PTPRT: variants seen among roughly 807,000 people sequenced by gnomAD.
The protein encoded by PTPRT is receptor-type tyrosine-protein phosphatase T.
PTPRT carries 56 observed loss-of-function variants against 176.8 expected under a neutral mutation model. That is an observed-to-expected ratio of 0.32 (90% CI 0.26 to 0.40). PTPRT has a LOEUF of 0.40. Ranked by LOEUF, PTPRT falls within the 10% of genes least tolerant of loss-of-function variation. PTPRT has a pLI of 1.00. For missense variants in PTPRT, 1,540 were observed against 1,908.2 expected (o/e 0.81, Z 3.60); for synonymous variants, 783 against 739.0 (o/e 1.06, Z -0.96).
At chr20:42,178,525 A>T (rs1990385899) in intron 16 of PTPRT, among the ~76,000 whole-genome samples, 1 of 152,180 alleles carries the variant, frequency 6.6e-6, no homozygotes, top group Non-Finnish European at 1.5e-5. Flanking sequence ...AACATCTCAC[A>T]TGTTAAGCCA....
chr20:42,869,724 AT>A (rs1421199665), intron 2 of PTPRT, among the ~76,000 whole-genome samples: 1 of 152,208 alleles, frequency 6.6e-6, no homozygotes, highest in African/African-American at 2.4e-5. Context: ...GAATGAATGT[AT>A]TTTGTATATG....
chr20:42,684,896 A>G (rs1323559308), intron 6 of PTPRT, among the ~76,000 whole-genome samples: 2 of 152,144 alleles, frequency 1.3e-5, no homozygotes, highest in Admixed American at 6.5e-5. Context: ...AAATAACACC[A>G]TGGGGCAGCT....
intron 13 of PTPRT, among the ~76,000 whole-genome samples, chr20:42,267,792 G>T (rs1217041014): frequency 6.6e-6 from 1 of 152,144 alleles, no homozygotes; most frequent in Non-Finnish European, 1.5e-5. Context: ...TTCCTTGAAG[G>T]ATTAGCCAAT....
intron 22 of PTPRT, among the ~76,000 whole-genome samples, chr20:42,113,299 G>A (rs1987102499): frequency 2.0e-5 from 3 of 152,234 alleles, no homozygotes; most frequent in Non-Finnish European, 4.4e-5. Context: ...AATTCCTCAA[G>A]GCCTCCCTGC....
chr20:42,202,242 T>C (rs1021242500), intron 15 of PTPRT, among the ~76,000 whole-genome samples: 3 of 152,296 alleles, frequency 2.0e-5, no homozygotes, highest in South Asian at 2.1e-4. Flanking sequence ...AGTGCTAGGA[T>C]TACAGGTGGG....
At chr20:42,781,566 T>C (rs115956005) in intron 3 of PTPRT, among the ~76,000 whole-genome samples, 4,454 of 152,272 alleles carry the variant, frequency 0.029, 140 homozygotes, top group African/African-American at 0.076. Flanking sequence ...CTTTTATCCC[T>C]AATTTTGACA....
At chr20:42,943,336 C>T (rs996965391) in intron 1 of PTPRT, among the ~76,000 whole-genome samples, 1 of 152,194 alleles carries the variant, frequency 6.6e-6, no homozygotes, top group African/African-American at 2.4e-5. Flanking sequence ...CTAAAGCCAA[C>T]CATTTTTGGG....
intron 15 of PTPRT, among the ~76,000 whole-genome samples, chr20:42,212,963 G>A (rs1440489697): frequency 6.6e-6 from 1 of 152,154 alleles, no homozygotes; most frequent in East Asian, 1.9e-4. Flanking sequence ...AATTACCAGT[G>A]AGATTCTAAT....
intron 11 of PTPRT, among the ~76,000 whole-genome samples, chr20:42,333,562 G>A (rs1378112217): frequency 6.6e-6 from 1 of 152,140 alleles, no homozygotes; most frequent in East Asian, 1.9e-4. Context: ...TCAATCTCCT[G>A]ACCTCGTGAT....
intron 6 of PTPRT, among the ~76,000 whole-genome samples, chr20:42,707,262 G>C (rs2146186944): frequency 6.6e-6 from 1 of 152,228 alleles, no homozygotes; most frequent in Non-Finnish European, 1.5e-5. Flanking sequence ...AAGATAATGA[G>C]TTGGTAGAAT....
intron 7 of PTPRT, among the ~76,000 whole-genome samples, chr20:42,643,155 T>C (rs2074801990): frequency 6.6e-6 from 1 of 152,126 alleles, no homozygotes; most frequent in Non-Finnish European, 1.5e-5. Flanking sequence ...ATTATGGCAA[T>C]AGCTGACTGA....
intron 2 of PTPRT, among the ~76,000 whole-genome samples, chr20:42,848,078 T>C (rs1035381487): frequency 6.6e-6 from 1 of 152,276 alleles, no homozygotes; most frequent in Non-Finnish European, 1.5e-5. Context: ...GGAGAATATA[T>C]GATGTTTGGT....
chr20:42,892,528 T>C (rs935906500), intron 1 of PTPRT, among the ~76,000 whole-genome samples: 1 of 147,222 alleles, frequency 6.8e-6, no homozygotes, highest in Admixed American at 6.7e-5. Context: ...CTAAAAAAGG[T>C]GGAAAATTGC....
intron 7 of PTPRT, among the ~76,000 whole-genome samples, chr20:42,536,829 G>T (rs941693413): frequency 2.0e-5 from 3 of 152,166 alleles, no homozygotes; most frequent in Admixed American, 1.3e-4. Context: ...AGAAACCAGA[G>T]ATTTAAGTTG....
At chr20:42,834,385 T>C (rs2078145613) in intron 2 of PTPRT, among the ~76,000 whole-genome samples, 1 of 152,116 alleles carries the variant, frequency 6.6e-6, no homozygotes, top group Admixed American at 6.5e-5. Flanking sequence ...GGTGAGGACG[T>C]GGAACAAATT....
At chr20:42,858,738 T>C (rs958381764) in intron 2 of PTPRT, among the ~76,000 whole-genome samples, 1 of 152,206 alleles carries the variant, frequency 6.6e-6, no homozygotes, top group Non-Finnish European at 1.5e-5. Context: ...TACTTTTTTA[T>C]AGAAGCCCAA....
intron 16 of PTPRT, among the ~76,000 whole-genome samples, chr20:42,184,518 C>CCTTCTTCTTCTTCCTCTTCTT (rs1990651776): frequency 7.3e-5 from 4 of 54,482 alleles, no homozygotes; most frequent in Non-Finnish European, 1.4e-4. Context: ...TCCTCCTCCT[C>CCTTCTTCTTCTTCCTCTTCTT]CTTCTTCTTC....
rs891075677 is a variant in PTPRT, at chr20:42,115,289, A to T, written c.3009T>A (p.Asp1003Glu). Residue 1003 changes from aspartate (D) to glutamate (E), a missense_variant, in exon 22 of 31, where the codon GAT becomes GAA. Asp to Glu is a conservative substitution (Grantham distance 45, BLOSUM62 2). This residue lies in a region of PTPRT where 248 missense variants were observed against 356.7 expected (regional missense o/e 0.70). Coordinates refer to ENST00000373187, the MANE Select transcript of PTPRT (RefSeq NM_007050.6). ...GRVKCVRYWP[D>E]DTEVYGDIKV... ...TAATGTCTCCGTAGACCTCCGTGTC[A>T]TCTGGCCAGTATCGCACACATTTCA... 1 of 1,614,144 alleles carries T rather than the reference A, an allele frequency of 6.2e-7. No individual in the cohort carries two copies. Among genetic ancestry groups the T allele is most frequent in the Non-Finnish European group, 8.5e-7 (1 of 1,179,992 alleles).
chr20:42,908,171 A>G (rs2079502417), intron 1 of PTPRT, among the ~76,000 whole-genome samples: 1 of 152,122 alleles, frequency 6.6e-6, no homozygotes, highest in African/African-American at 2.4e-5. Context: ...GGGGATAAGC[A>G]TCTTGAAGAC....
Sources: gnomAD v4.1 joint callset for allele counts (sites outside exome capture counted in the v4.1 genomes callset) on GRCh38, gnomAD v4.1.1 for gene constraint, gnomAD v4.1.1 regional missense constraint, MANE v1.5 for transcripts, NCBI Gene and HGNC (gene_info 2026-07-23, HGNC 2026-07-21) for gene names.